The following UNC13C variants were observed in gnomAD, a reference collection of about 807,000 sequenced individuals.
The protein encoded by UNC13C is protein unc-13 homolog C.
Under a neutral mutation model 245.4 loss-of-function variants are expected in UNC13C, and 174 were observed. The ratio of observed to expected loss-of-function variants is 0.71; its 90% CI spans 0.63 to 0.80. UNC13C has a LOEUF of 0.80. Ranked by LOEUF, UNC13C falls within the 30% of genes least tolerant of loss-of-function variation. UNC13C has a pLI of 0.00. For missense variants in UNC13C, 2,829 were observed against 2,602.9 expected (o/e 1.09, Z -1.89); for synonymous variants, 992 against 895.1 (o/e 1.11, Z -1.93).
At chr15:54,203,753 T>C (rs1027624878) in intron 4 of UNC13C, among the ~76,000 whole-genome samples, 2 of 100,968 alleles carry the variant, frequency 2.0e-5, no homozygotes, top group Non-Finnish European at 5.0e-5. Flanking sequence ...TATGTATATA[T>C]ACACATATAT....
chr15:54,000,466 C>T (rs1003849985), intron 1 of UNC13C, among the ~76,000 whole-genome samples: 4 of 152,130 alleles, frequency 2.6e-5, no homozygotes, highest in African/African-American at 9.7e-5. Context: ...TATACCATTA[C>T]ATAGCATAAA....
At chr15:54,021,922 T>C (rs1333914782) in intron 2 of UNC13C, among the ~76,000 whole-genome samples, 2 of 152,244 alleles carry the variant, frequency 1.3e-5, no homozygotes, top group Non-Finnish European at 2.9e-5. Flanking sequence ...TGTTTATGTA[T>C]CTAAACATAT....
At chr15:54,485,776 A>G (rs565285764) in intron 19 of UNC13C, among the ~76,000 whole-genome samples, 2 of 152,242 alleles carry the variant, frequency 1.3e-5, no homozygotes, top group South Asian at 4.2e-4. Context: ...GAGCTTGTCA[A>G]GCACACTTTT....
At chr15:54,098,599 GT>G (rs1006666219) in intron 2 of UNC13C, among the ~76,000 whole-genome samples, 13 of 151,092 alleles carry the variant, frequency 8.6e-5, no homozygotes, top group East Asian at 3.9e-4. Flanking sequence ...TTCACTTCAT[GT>G]TTTTTTTTCT....
intron 2 of UNC13C, among the ~76,000 whole-genome samples, chr15:54,058,630 A>C (rs368427395): frequency 2.0e-5 from 3 of 152,340 alleles, no homozygotes. Flanking sequence ...CATCATTCTG[A>C]TACCAAAGCC....
intron 18 of UNC13C, among the ~76,000 whole-genome samples, chr15:54,408,199 C>CAAAAAAA (rs71105808): frequency 0.11 from 3,062 of 29,096 alleles, 824 homozygotes; most frequent in East Asian, 0.22. Flanking sequence ...GACTCTGCCT[C>CAAAAAAA]AAAAAAAAAA....
chr15:54,513,230 A>T (rs1199761620), intron 24 of UNC13C, among the ~76,000 whole-genome samples: 1 of 152,174 alleles, frequency 6.6e-6, no homozygotes, highest in East Asian at 1.9e-4. Context: ...TAGAAAAGTG[A>T]TGAAGAAATT....
intron 1 of UNC13C, among the ~76,000 whole-genome samples, chr15:53,991,987 T>C (rs1009189302): frequency 6.6e-6 from 1 of 152,072 alleles, no homozygotes; most frequent in African/African-American, 2.4e-5. Context: ...CATTATATAG[T>C]ATATTCACTC....
At chr15:54,383,539 A>G (rs2039772351) in intron 17 of UNC13C, among the ~76,000 whole-genome samples, 1 of 152,134 alleles carries the variant, frequency 6.6e-6, no homozygotes, top group South Asian at 2.1e-4. Context: ...AATACCATAT[A>G]TGATAAACCC....
chr15:54,074,046 A>C (rs1334449212), intron 2 of UNC13C, among the ~76,000 whole-genome samples: 2 of 152,220 alleles, frequency 1.3e-5, no homozygotes, highest in Admixed American at 6.5e-5. Flanking sequence ...ATCTTGAGTT[A>C]ATTTTTGTAT....
chr15:54,566,518 T>C (rs9920565), intron 29 of UNC13C, among the ~76,000 whole-genome samples: 1 of 152,092 alleles, frequency 6.6e-6, no homozygotes, highest in African/African-American at 2.4e-5. Context: ...ACAGAGCACC[T>C]AGCTAGAATC....
intron 6 of UNC13C, among the ~76,000 whole-genome samples, chr15:54,237,009 A>G (rs1410531610): frequency 1.3e-5 from 2 of 152,072 alleles, no homozygotes; most frequent in Non-Finnish European, 2.9e-5. Flanking sequence ...TTATGGTTCT[A>G]TTTTATGTGG....
chr15:54,568,729 A>C (rs373488240), intron 30 of UNC13C, among the ~76,000 whole-genome samples: 1 of 152,206 alleles, frequency 6.6e-6, no homozygotes, highest in East Asian at 1.9e-4. Flanking sequence ...GTAAGAAGAC[A>C]CTAACTTCAT....
intron 19 of UNC13C, among the ~76,000 whole-genome samples, chr15:54,478,784 T>C (rs1892924757): frequency 6.6e-6 from 1 of 151,932 alleles, no homozygotes; most frequent in Non-Finnish European, 1.5e-5. Flanking sequence ...AAATGTATAT[T>C]CTGTTGATTT....
intron 19 of UNC13C, among the ~76,000 whole-genome samples, chr15:54,433,571 A>G (rs964289465): frequency 6.6e-6 from 1 of 152,140 alleles, no homozygotes. Flanking sequence ...CTAGGTATTG[A>G]TGGAACATAT....
chr15:53,866,552 G>A, the UNC13C span, among the ~76,000 whole-genome samples: 1 of 152,142 alleles, frequency 6.6e-6, no homozygotes, highest in Non-Finnish European at 1.5e-5. Flanking sequence ...AGCAATTTGG[G>A]TTCAAGAATA....
chr15:54,440,176 TCTC>T (rs1397487097), intron 19 of UNC13C, among the ~76,000 whole-genome samples: 1 of 151,976 alleles, frequency 6.6e-6, no homozygotes, highest in Admixed American at 6.6e-5. Context: ...TCCACTTCTC[TCTC>T]CTCCTGTCAT....
intron 4 of UNC13C, among the ~76,000 whole-genome samples, chr15:54,154,774 G>T (rs186074628): frequency 1.6e-3 from 245 of 152,252 alleles, no homozygotes; most frequent in African/African-American, 5.5e-3. Context: ...CATGTTAGAG[G>T]TCTTCAAGTA....
At chr15:54,375,272 C>A (rs1191845183) in intron 17 of UNC13C, among the ~76,000 whole-genome samples, 3 of 152,198 alleles carry the variant, frequency 2.0e-5, no homozygotes, top group Non-Finnish European at 4.4e-5. Flanking sequence ...AATTTCTAAT[C>A]TACCTTGCAG....
Sources: allele counts gnomAD v4.1 joint callset (sites outside exome capture counted in the v4.1 genomes callset), GRCh38; gene constraint gnomAD v4.1.1; transcripts MANE v1.5; gene names NCBI Gene and HGNC (gene_info 2026-07-23, HGNC 2026-07-21).